The following AKAP13 variants were observed in gnomAD, a reference collection of about 807,000 sequenced individuals.
AKAP13 encodes the protein A-kinase anchor protein 13.
A neutral mutation model predicts 264.5 loss-of-function variants in AKAP13; 80 were observed. That is an observed-to-expected ratio of 0.30 (90% CI 0.25 to 0.36). The LOEUF is 0.36. Ranked by LOEUF, AKAP13 falls within the 10% of genes least tolerant of loss-of-function variation. The pLI, the probability that AKAP13 is intolerant of heterozygous loss-of-function variation, is 1.00. For missense variants in AKAP13, 3,712 were observed against 3,435.2 expected (o/e 1.08, Z -2.01); for synonymous variants, 1,380 against 1,250.2 (o/e 1.10, Z -2.19).
intron 1 of AKAP13, among the ~76,000 whole-genome samples, chr15:85,417,549 T>C (rs185562305): frequency 1.3e-5 from 2 of 152,350 alleles, no homozygotes; most frequent in East Asian, 1.9e-4. Context: ...TGCAATGTAA[T>C]GACAAGTCAT....
intron 7 of AKAP13, among the ~76,000 whole-genome samples, chr15:85,584,683 C>A (rs1042955025): frequency 6.6e-6 from 1 of 152,146 alleles, no homozygotes; most frequent in Non-Finnish European, 1.5e-5. Flanking sequence ...GTAACTCTTA[C>A]AAATTTAAGG....
chr15:85,405,811 G>A (rs1238407483), intron 1 of AKAP13, among the ~76,000 whole-genome samples: 1 of 152,084 alleles, frequency 6.6e-6, no homozygotes, highest in African/African-American at 2.4e-5. Flanking sequence ...ACTCTCTGTT[G>A]CATGTCATAC....
intron 8 of AKAP13, among the ~76,000 whole-genome samples, chr15:85,598,363 G>A (rs751824497): frequency 3.3e-5 from 5 of 152,160 alleles, no homozygotes; most frequent in African/African-American, 4.8e-5. Context: ...TTCTCTAAGA[G>A]GCTCAGGAAT....
intron 2 of AKAP13, among the ~76,000 whole-genome samples, chr15:85,493,795 G>A (rs1363529443): frequency 6.6e-6 from 1 of 152,140 alleles, no homozygotes; most frequent in Non-Finnish European, 1.5e-5. Flanking sequence ...CCTAGACGGG[G>A]TAAGGGACGA....
intron 1 of AKAP13, among the ~76,000 whole-genome samples, chr15:85,484,945 T>C (rs1459448494): frequency 6.6e-6 from 1 of 152,230 alleles, no homozygotes; most frequent in Non-Finnish European, 1.5e-5. Flanking sequence ...CACTTGGTTC[T>C]GTTTCTCTGA....
intron 14 of AKAP13, among the ~76,000 whole-genome samples, chr15:85,670,407 C>G (rs965225788): frequency 2.0e-5 from 3 of 151,380 alleles, no homozygotes; most frequent in Admixed American, 2.0e-4. Context: ...CTACTGAGTG[C>G]TAGCATTAGT....
At chr15:85,609,450 A>C (rs904684863) in intron 8 of AKAP13, among the ~76,000 whole-genome samples, 1 of 152,182 alleles carries the variant, frequency 6.6e-6, no homozygotes, top group Admixed American at 6.5e-5. Context: ...ACAGGATTTC[A>C]TTATTTTTTA....
In AKAP13 at chr15:85,481,807, A is replaced by G. The variant is rs16940350; in HGVS notation, c.-11-3903A>G. 1.7e-4 allele frequency among the ~76,000 whole-genome samples: 26 copies of G among 152,346 alleles called. No homozygotes were observed. The East Asian group carries it at 3.7e-3, about 21-fold the overall frequency. ...CTGTCATGTATTGTCCCTGTGTTACATGAAAGCAGCCTCAGTGAACTTGTG... is the reference window on the plus strand; with the variant it reads ...CTGTCATGTATTGTCCCTGTGTTACGTGAAAGCAGCCTCAGTGAACTTGTG... On this transcript the variant is annotated intron_variant, in intron 1 of 36. Coordinates refer to ENST00000394518, the MANE Select transcript of AKAP13 (RefSeq NM_007200.5).
intron 8 of AKAP13, among the ~76,000 whole-genome samples, chr15:85,613,823 T>C (rs1332677860): frequency 1.3e-5 from 2 of 151,028 alleles, no homozygotes; most frequent in African/African-American, 4.9e-5. Flanking sequence ...ATACAGAGTT[T>C]GGAGAAACAG....
In AKAP13 at chr15:85,724,624, T is replaced by C. The variant is rs540999336; in HGVS notation, c.6745+1304T>C. 6.6e-6 allele frequency among the ~76,000 whole-genome samples: 1 copy of C among 151,328 alleles called. No individual in the cohort carries two copies. Among genetic ancestry groups the C allele is most frequent in the Non-Finnish European group, 1.5e-5 (1 of 67,908 alleles). On this transcript the variant is annotated intron_variant, in intron 26 of 36. Transcript: ENST00000394518. The surrounding 1 kb of genome is among the most constrained non-coding windows in gnomAD (Gnocchi z 4.2). ...ATTCTCCAGACTGAGGAGTTAACAG[T>C]TGATACTATTGATGAGGGAAGGGGG...
intron 1 of AKAP13, among the ~76,000 whole-genome samples, chr15:85,417,989 G>A (rs776744976): frequency 4.6e-5 from 7 of 151,302 alleles, no homozygotes; most frequent in African/African-American, 1.5e-4. Context: ...TCATTTTGAC[G>A]TAATTATAAA....
At chr15:85,742,362 C>T (rs1224677868) in intron 35 of AKAP13, among the ~76,000 whole-genome samples, 1 of 152,170 alleles carries the variant, frequency 6.6e-6, no homozygotes, top group African/African-American at 2.4e-5. Flanking sequence ...AATAAAAGAG[C>T]CTCCAGAACA....
chr15:85,479,938 T>G (rs889170095), intron 1 of AKAP13, among the ~76,000 whole-genome samples: 2 of 152,232 alleles, frequency 1.3e-5, no homozygotes, highest in Non-Finnish European at 2.9e-5. Context: ...ATTGTGGATG[T>G]CTTCAGTTTT....
At chr15:85,523,389 T>C (rs1042630389) in intron 3 of AKAP13, among the ~76,000 whole-genome samples, 1 of 152,202 alleles carries the variant, frequency 6.6e-6, no homozygotes, top group African/African-American at 2.4e-5. Flanking sequence ...TAAACTTCTT[T>C]AAATCTGCCT....
intron 14 of AKAP13, among the ~76,000 whole-genome samples, chr15:85,673,844 C>G (rs2084064255): frequency 7.4e-6 from 1 of 135,266 alleles, no homozygotes; most frequent in Non-Finnish European, 1.6e-5. Context: ...CGCCACCACA[C>G]CCGGCTAATT....
chr15:85,613,715 A>ATATATATAT lies in AKAP13; in HGVS notation c.4162-25659_4162-25658insTATATATAT, dbSNP rs1421387238. Reference sequence around the variant, plus strand: ...AAATATATATATATATATATATATTAGGAGTGCTGATTGATGGACAGATGT... The same window carrying ATATATATAT: ...AAATATATATATATATATATATATTATATATATATGGAGTGCTGATTGATGGACAGATGT... On this transcript the variant is annotated intron_variant, in intron 8 of 36. Coordinates refer to ENST00000394518, the MANE Select transcript of AKAP13 (RefSeq NM_007200.5). Among the ~76,000 whole-genome samples, 103 of 77,068 alleles carry ATATATATAT rather than the reference A, an allele frequency of 1.3e-3. 3 individuals carry two copies. The highest frequency in any genetic ancestry group is 2.1e-3 in the Non-Finnish European group (71 of 34,262). The allele number at this position is 77,068 out of a possible 152,430, so 50.6% of individuals were successfully genotyped here. A position where few individuals can be genotyped will look rare whatever the true frequency, so the allele number is the denominator to read the frequency against.
intron 33 of AKAP13, 109 bp downstream of exon 33, chr15:85,736,243 A>G (rs986852718): frequency 3.5e-6 from 3 of 858,948 alleles, no homozygotes; most frequent in East Asian, 2.6e-5. Context: ...CAAAGAGGCT[A>G]ACTGCTGGCT....
intron 1 of AKAP13, among the ~76,000 whole-genome samples, chr15:85,415,825 A>G (rs1431093847): frequency 6.6e-6 from 1 of 152,066 alleles, no homozygotes; most frequent in Non-Finnish European, 1.5e-5. Flanking sequence ...TGGTTAATAA[A>G]TAAATGTGTT....
intron 1 of AKAP13, among the ~76,000 whole-genome samples, chr15:85,429,955 C>A (rs1481344371): frequency 6.6e-6 from 1 of 152,212 alleles, no homozygotes; most frequent in Admixed American, 6.5e-5. Flanking sequence ...TTGGCTGATT[C>A]ACCATGTTTA....
Sources: allele counts gnomAD v4.1 joint callset (sites outside exome capture counted in the v4.1 genomes callset), GRCh38; gene constraint gnomAD v4.1.1; non-coding constraint Gnocchi (gnomAD v3.1); transcripts MANE v1.5; gene names NCBI Gene and HGNC (gene_info 2026-07-23, HGNC 2026-07-21).